The following DLG2 variants were observed in gnomAD, a reference collection of about 807,000 sequenced individuals.
DLG2 encodes discs large MAGUK scaffold protein 2.
In DLG2, 45 loss-of-function variants were observed where a neutral mutation model predicts 132.5. The ratio of observed to expected loss-of-function variants is 0.34; its 90% CI spans 0.27 to 0.44. The LOEUF (loss-of-function observed/expected upper bound fraction) is 0.44. Ranked by LOEUF, DLG2 falls within the 20% of genes least tolerant of loss-of-function variation. DLG2 has a pLI of 1.00. For synonymous variants in DLG2, 424 were observed against 419.6 expected, an observed-to-expected ratio of 1.01 and a Z score of -0.13; for missense variants, 1,045 against 1,196.9, an observed-to-expected ratio of 0.87 and a Z score of 1.87.
intron 11 of DLG2, among the ~76,000 whole-genome samples, chr11:83,997,658 G>A (rs924207016): frequency 7.2e-6 from 1 of 138,090 alleles, no homozygotes; most frequent in African/African-American, 2.7e-5. Context: ...TTGAACCCAG[G>A]AGGCGGAGAT....
At chr11:83,840,410 A>G (rs2057288003) in intron 16 of DLG2, among the ~76,000 whole-genome samples, 1 of 152,214 alleles carries the variant, frequency 6.6e-6, no homozygotes, top group South Asian at 2.1e-4. Flanking sequence ...ATAATTAATT[A>G]CACGAATGTC....
intron 7 of DLG2, among the ~76,000 whole-genome samples, chr11:84,502,182 C>CTT (rs1567802402): frequency 3.8e-5 from 1 of 26,458 alleles, no homozygotes; most frequent in African/African-American, 2.0e-4. Context: ...CTCTTTCTCT[C>CTT]TCTTTCTCTC....
At chr11:84,942,530 C>T (rs1311205110) in intron 6 of DLG2, among the ~76,000 whole-genome samples, 1 of 152,098 alleles carries the variant, frequency 6.6e-6, no homozygotes, top group African/African-American at 2.4e-5. Context: ...TTTAATACTT[C>T]CCAAAGTTCC....
At chr11:84,767,473 A>G (rs1197486138) in intron 6 of DLG2, among the ~76,000 whole-genome samples, 1 of 152,096 alleles carries the variant, frequency 6.6e-6, no homozygotes. Flanking sequence ...TTTAAAAGAA[A>G]GAAGGTGCTC....
chr11:85,400,476 T>C (rs1190470025), intron 3 of DLG2, among the ~76,000 whole-genome samples: 1 of 149,266 alleles, frequency 6.7e-6, no homozygotes, highest in Non-Finnish European at 1.5e-5. Context: ...TAAAGACACA[T>C]GCACACGTAT....
chr11:85,081,814 T>C (rs919457410), intron 6 of DLG2, among the ~76,000 whole-genome samples: 7 of 152,190 alleles, frequency 4.6e-5, no homozygotes, highest in Admixed American at 3.3e-4. Flanking sequence ...TCTTAATTTT[T>C]CCTCCATCCT....
chr11:85,494,426 C>A (rs1458210846), intron 3 of DLG2, among the ~76,000 whole-genome samples: 1 of 151,934 alleles, frequency 6.6e-6, no homozygotes, highest in East Asian at 1.9e-4. Context: ...GATGTGGTAA[C>A]TGGGAAAAAC....
Position 83,695,876 on chromosome 11 carries a change from G to A in DLG2, c.1826-62551C>T, listed in dbSNP as rs149953428. Among the ~76,000 whole-genome samples the A allele has an allele frequency of 1.4e-3, 210 of 152,308 alleles. 6 individuals carry two copies. Among genetic ancestry groups the A allele is most frequent in the African/African-American group, 4.6e-3 (192 of 41,574 alleles). On this transcript the variant is annotated intron_variant, in intron 18 of 27. Coordinates refer to ENST00000376104, the MANE Select transcript of DLG2 (RefSeq NM_001142699.3). ...AGGAGGAATTGGGACAGGCTCCACCGTGATGTGAAACAACCTGAAGGTTAT... is the reference window on the plus strand; with the variant it reads ...AGGAGGAATTGGGACAGGCTCCACCATGATGTGAAACAACCTGAAGGTTAT...
intron 16 of DLG2, among the ~76,000 whole-genome samples, chr11:83,842,546 A>AG (rs1299613936): frequency 7.3e-6 from 1 of 136,616 alleles, no homozygotes; most frequent in Non-Finnish European, 1.6e-5. Context: ...AAAAAAAAAA[A>AG]GGCCGGGCAC....
At chr11:83,836,346 T>C (rs1595166283) in intron 16 of DLG2, among the ~76,000 whole-genome samples, 1 of 152,166 alleles carries the variant, frequency 6.6e-6, no homozygotes, top group Non-Finnish European at 1.5e-5. Flanking sequence ...AGCTGATACA[T>C]GAAATTAACC....
intron 11 of DLG2, among the ~76,000 whole-genome samples, chr11:84,033,508 G>C (rs541837036): frequency 2.6e-5 from 4 of 152,216 alleles, no homozygotes; most frequent in Non-Finnish European, 5.9e-5. Flanking sequence ...TTCTTGAGAT[G>C]GAACCTACTC....
In DLG2 at chr11:83,786,792, C is replaced by T. The variant is rs1403282556; in HGVS notation, c.1723G>A (p.Val575Met). 6.2e-7 allele frequency: 1 copy of T among 1,613,818 alleles called. No individual in the cohort carries two copies. Among genetic ancestry groups the T allele is most frequent in the South Asian group, 1.1e-5 (1 of 91,074 alleles). The stretch of plus-strand genomic sequence containing the variant: ...GCACCACGGAGGTCAATGCCATTCA[C>T]CTGAAAGAGAGGAAGCCAGAGAATC... Reference protein sequence around the residue: ...ELQRGDQILSVNGIDLRGASH... With the variant: ...ELQRGDQILSMNGIDLRGASH... Residue 575 changes from valine (V) to methionine (M), a missense_variant and splice_region_variant, in exon 18 of 28, where the codon GTG (valine) becomes ATG (methionine). By Grantham distance (21) the Val-to-Met change is conservative. Coordinates refer to ENST00000376104, the MANE Select transcript of DLG2 (RefSeq NM_001142699.3).
intron 6 of DLG2, among the ~76,000 whole-genome samples, chr11:85,057,622 C>A (rs2063590901): frequency 6.6e-6 from 1 of 151,432 alleles, no homozygotes; most frequent in African/African-American, 2.4e-5. Flanking sequence ...TTCCAGAGAA[C>A]AGCAAAAGAT....
At chr11:83,722,406 C>T (rs2088842230) in intron 18 of DLG2, among the ~76,000 whole-genome samples, 1 of 152,098 alleles carries the variant, frequency 6.6e-6, no homozygotes, top group African/African-American at 2.4e-5. Flanking sequence ...TAGCTCAAGG[C>T]ACTCATAAAG....
At chr11:85,200,237 A>G (rs959845011) in intron 4 of DLG2, among the ~76,000 whole-genome samples, 1 of 152,176 alleles carries the variant, frequency 6.6e-6, no homozygotes, top group African/African-American at 2.4e-5. Flanking sequence ...GAGCTTAGCT[A>G]TAGCCCTCTT....
intron 6 of DLG2, among the ~76,000 whole-genome samples, chr11:84,954,640 T>C (rs1342556273): frequency 6.6e-6 from 1 of 152,172 alleles, no homozygotes; most frequent in Non-Finnish European, 1.5e-5. Flanking sequence ...CATCAGACAT[T>C]GGTGTAGTCA....
At chr11:83,885,773 A>G (rs1172095916) in intron 15 of DLG2, among the ~76,000 whole-genome samples, 3 of 152,224 alleles carry the variant, frequency 2.0e-5, no homozygotes, top group Non-Finnish European at 4.4e-5. Flanking sequence ...TACAAGCCAG[A>G]ATAGAGTGGG....
intron 6 of DLG2, among the ~76,000 whole-genome samples, chr11:84,839,008 G>T (rs992737435): frequency 2.0e-5 from 3 of 152,064 alleles, no homozygotes; most frequent in Non-Finnish European, 4.4e-5. Flanking sequence ...TAAGGCAAGA[G>T]AAAGAAATAC....
At chr11:85,387,462 C>T (rs2086438786) in intron 3 of DLG2, among the ~76,000 whole-genome samples, 2 of 152,130 alleles carry the variant, frequency 1.3e-5, no homozygotes, top group Non-Finnish European at 2.9e-5. Flanking sequence ...AGTGAGTTCT[C>T]AATTTAATTA....
Sources: allele counts gnomAD v4.1 joint callset (sites outside exome capture counted in the v4.1 genomes callset), GRCh38; gene constraint gnomAD v4.1.1; transcripts MANE v1.5; gene names NCBI Gene and HGNC (gene_info 2026-07-23, HGNC 2026-07-21).